The following GNG7 variants were observed in gnomAD, a reference collection of about 807,000 sequenced individuals.
GNG7 encodes G protein subunit gamma 7.
A neutral mutation model predicts 4.0 loss-of-function variants in GNG7; 1 was observed. That is an observed-to-expected ratio of 0.25 (90% CI 0.09 to 1.18). GNG7 has a LOEUF of 1.18. Ranked by LOEUF, GNG7 falls within the 50% of genes most tolerant of loss-of-function variation. The pLI is 0.50. For synonymous variants in GNG7, 34 were observed against 36.9 expected, an observed-to-expected ratio of 0.92 and a Z score of 0.29; for missense variants, 86 against 91.9, an observed-to-expected ratio of 0.94 and a Z score of 0.26.
intron 2 of GNG7, among the ~76,000 whole-genome samples, chr19:2,558,691 G>A (rs1387870475): frequency 6.6e-6 from 1 of 152,026 alleles, no homozygotes; most frequent in African/African-American, 2.4e-5. Flanking sequence ...GTAAAATGAA[G>A]TTATATAACT....
At position 2,512,238 on chromosome 19, in the gene GNG7, A is replaced by T; in HGVS notation, c.*2784T>A. ...GCGCTCCTGGAAACGCCCATAAAAC[A>T]TGCGTTCACCCCAGGGATTCCCGGC... On this transcript the variant is annotated 3_prime_UTR_variant, in exon 5 of 5. Transcript: ENST00000382159. This position sits in a 1 kb window ranked among gnomAD's most constrained non-coding sequence, Gnocchi z 4.7. 1.0e-6 allele frequency: 1 copy of T among 985,828 alleles called. No individual in the cohort carries two copies. The highest frequency in any genetic ancestry group is 1.2e-6 in the Non-Finnish European group (1 of 829,926). The allele number at this position is 985,828 out of a possible 1,614,324, so 61.1% of individuals were successfully genotyped here.
intron 2 of GNG7, among the ~76,000 whole-genome samples, chr19:2,621,889 T>C (rs1184129015): frequency 1.3e-5 from 2 of 152,086 alleles, no homozygotes; most frequent in Non-Finnish European, 2.9e-5. Context: ...CAGCTTGGTT[T>C]AGTACTTCTG....
At chr19:2,591,630 G>A (rs117360372) in intron 2 of GNG7, among the ~76,000 whole-genome samples, 4,291 of 152,062 alleles carry the variant, frequency 0.028, 80 homozygotes, top group Middle Eastern at 0.12. Flanking sequence ...GGGTGTGTTA[G>A]GATGGAGGAG....
intron 1 of GNG7, among the ~76,000 whole-genome samples, chr19:2,668,835 G>A (rs1022576687): frequency 1.3e-5 from 2 of 152,138 alleles, no homozygotes; most frequent in African/African-American, 4.8e-5. Context: ...GTAGGGGGCT[G>A]TGCTGAGTAC....
chr19:2,557,830 T>G lies in GNG7; in HGVS notation c.-77-2642A>C, dbSNP rs1419807547. Among the ~76,000 whole-genome samples the G allele has an allele frequency of 1.3e-5, 2 of 151,990 alleles. No homozygotes were observed. Among genetic ancestry groups the G allele is most frequent in the East Asian group, 1.9e-4 (1 of 5,190 alleles). ...ATTCTGATGGGGTGACTCGGTGCATTTCTCTCTCAGGCTTACTTTTTTTCT... is the reference window on the plus strand; with the variant it reads ...ATTCTGATGGGGTGACTCGGTGCATGTCTCTCTCAGGCTTACTTTTTTTCT... On this transcript the variant is annotated intron_variant, in intron 2 of 4. Transcript: ENST00000382159. The surrounding 1 kb of genome is among the most constrained non-coding windows in gnomAD (Gnocchi z 5.1).
At chr19:2,579,120 C>G (rs890095817) in intron 2 of GNG7, among the ~76,000 whole-genome samples, 1 of 152,272 alleles carries the variant, frequency 6.6e-6, no homozygotes, top group African/African-American at 2.4e-5. Flanking sequence ...GCAGAGGGTC[C>G]CGTGATTTGG....
At chr19:2,551,046 G>A (rs891148796) in intron 3 of GNG7, among the ~76,000 whole-genome samples, 9 of 152,176 alleles carry the variant, frequency 5.9e-5, no homozygotes, top group East Asian at 3.9e-4. Flanking sequence ...CCCACGGCAC[G>A]TGGCCACATG....
At chr19:2,550,416 C>T (rs532326917) in intron 3 of GNG7, among the ~76,000 whole-genome samples, 42 of 152,256 alleles carry the variant, frequency 2.8e-4, no homozygotes, top group African/African-American at 8.4e-4. Flanking sequence ...GGTAGAGTCG[C>T]GGTTTCACCA....
intron 2 of GNG7, among the ~76,000 whole-genome samples, chr19:2,621,407 AAG>A (rs1981865623): frequency 6.6e-6 from 1 of 151,930 alleles, no homozygotes. Context: ...AAATTAATTA[AAG>A]AAAAATGGCT....
chr19:2,581,031 T>G (rs918473141), intron 2 of GNG7, among the ~76,000 whole-genome samples: 1 of 152,014 alleles, frequency 6.6e-6, no homozygotes, highest in Non-Finnish European at 1.5e-5. Flanking sequence ...TCCCAGAGTG[T>G]TGGGATTACA....
intron 1 of GNG7, among the ~76,000 whole-genome samples, chr19:2,654,454 C>G (rs914974893): frequency 5.3e-5 from 8 of 151,830 alleles, no homozygotes; most frequent in African/African-American, 1.9e-4. Flanking sequence ...AGGAGCACCC[C>G]CAGTCACGAC....
intron 2 of GNG7, among the ~76,000 whole-genome samples, chr19:2,635,056 C>G: frequency 6.6e-6 from 1 of 152,190 alleles, no homozygotes; most frequent in East Asian, 1.9e-4. Context: ...ACATCGGAGC[C>G]GGATTGTTCT....
chr19:2,612,132 C>A (rs1410960715), intron 2 of GNG7, among the ~76,000 whole-genome samples: 1 of 152,130 alleles, frequency 6.6e-6, no homozygotes, highest in Admixed American at 6.6e-5. Context: ...CCTGGCCTCC[C>A]AAAGTGCTGG....
intron 1 of GNG7, among the ~76,000 whole-genome samples, chr19:2,697,137 T>G (rs1186834849): frequency 6.6e-6 from 1 of 152,184 alleles, no homozygotes; most frequent in Non-Finnish European, 1.5e-5. Flanking sequence ...TGAAAGGGGC[T>G]TATAGGGATG....
intron 1 of GNG7, among the ~76,000 whole-genome samples, chr19:2,661,288 A>AAGAAAGAAAG (rs1983152095): frequency 4.2e-5 from 2 of 47,274 alleles, no homozygotes; most frequent in South Asian, 8.1e-4. Flanking sequence ...GAAAGAAAGA[A>AAGAAAGAAAG]AGAAAGAAAG....
At chr19:2,601,516 G>T (rs983534398) in intron 2 of GNG7, among the ~76,000 whole-genome samples, 7 of 152,066 alleles carry the variant, frequency 4.6e-5, no homozygotes, top group Admixed American at 6.6e-5. Context: ...AATTTTTTTT[G>T]GCTTCCTGTC....
intron 2 of GNG7, chr19:2,643,834 A>G (rs1157706570): frequency 8.4e-6 from 3 of 359,114 alleles, no homozygotes; most frequent in Non-Finnish European, 1.6e-5. Flanking sequence ...GGACGCTGTC[A>G]TCGACTCCCA....
In GNG7 at chr19:2,594,447, G is replaced by GAAGGAAGGAAGGA. The variant is rs113980932; in HGVS notation, c.-77-39260_-77-39259insTCCTTCCTTCCTT. ...GGAAGGAAGGAAGGAAGGAAGGAAG[G>GAAGGAAGGAAGGA]AGGAAGAAAGAAACTGCAAATTTAA... is the stretch of plus-strand genomic sequence containing the variant. On this transcript the variant is annotated intron_variant, in intron 2 of 4. Coordinates refer to ENST00000382159, the MANE Select transcript of GNG7 (RefSeq NM_052847.3). Among the ~76,000 whole-genome samples, 1,025 of 127,116 alleles carry GAAGGAAGGAAGGA rather than the reference G, an allele frequency of 8.1e-3. 19 individuals carry two copies. The highest frequency in any genetic ancestry group is 0.026 in the African/African-American group (707 of 27,090). 83.4% of individuals were successfully genotyped at this position (127,116 alleles called of 152,430 possible).
At chr19:2,563,563 T>C (rs940194253) in intron 2 of GNG7, among the ~76,000 whole-genome samples, 2 of 152,160 alleles carry the variant, frequency 1.3e-5, no homozygotes, top group African/African-American at 2.4e-5. Flanking sequence ...CACTGCAACC[T>C]CTGACTCCCG....
Sources: gnomAD v4.1 joint callset for allele counts (sites outside exome capture counted in the v4.1 genomes callset) on GRCh38, gnomAD v4.1.1 for gene constraint, Gnocchi (gnomAD v3.1) non-coding constraint, MANE v1.5 for transcripts, NCBI Gene and HGNC (gene_info 2026-07-23, HGNC 2026-07-21) for gene names.